Variants in ABCB5 observed in about 807,000 individuals in gnomAD.
ABCB5 encodes the protein ATP-binding cassette sub-family B member 5.
In ABCB5, 155 loss-of-function variants were observed where a neutral mutation model predicts 144.2. That is an observed-to-expected ratio of 1.08 (90% CI 0.94 to 1.23). ABCB5 has a LOEUF of 1.23. ABCB5 is among the 50% of genes most tolerant of loss of function. The probability of loss-of-function intolerance (pLI) is 0.00; values close to 1 mark genes in which losing one functional copy is unlikely to be tolerated. For missense variants in ABCB5, 1,830 were observed against 1,520.8 expected (o/e 1.20, Z -3.38); for synonymous variants, 610 against 528.6 (o/e 1.15, Z -2.11).
chr7:20,668,873 C>T (rs111691604), intron 14 of ABCB5, among the ~76,000 whole-genome samples: 18,756 of 58,932 alleles, frequency 0.32, 1,981 homozygotes, highest in East Asian at 0.45. Context: ...CCCGCCCAGC[C>T]GGCCGCCCCG....
At chr7:20,725,892 G>A (rs181700641) in intron 21 of ABCB5, among the ~76,000 whole-genome samples, 1 of 152,240 alleles carries the variant, frequency 6.6e-6, no homozygotes, top group Non-Finnish European at 1.5e-5. Context: ...CATCAAAATT[G>A]GGAGCAGAAT....
intron 20 of ABCB5, among the ~76,000 whole-genome samples, chr7:20,722,296 T>C (rs779538329): frequency 5.3e-5 from 8 of 152,210 alleles, no homozygotes; most frequent in Non-Finnish European, 8.8e-5. Context: ...TGTGGGTATG[T>C]ACCTATCATT....
At chr7:20,618,770 T>TTC (rs1783744798) in intron 1 of ABCB5, among the ~76,000 whole-genome samples, 1 of 122,500 alleles carries the variant, frequency 8.2e-6, no homozygotes. Flanking sequence ...TTTTCTTTTT[T>TTC]TTTTTTTTTT....
chr7:20,651,686 A>G, intron 13 of ABCB5, 63 bp downstream of exon 13: 1 of 1,519,830 alleles, frequency 6.6e-7, no homozygotes, highest in Non-Finnish European at 9.1e-7. Context: ...ATTCCAATAT[A>G]AGGTAATGAA....
At chr7:20,715,219 T>C (rs1781630592) in intron 20 of ABCB5, among the ~76,000 whole-genome samples, 1 of 152,084 alleles carries the variant, frequency 6.6e-6, no homozygotes, top group African/African-American at 2.4e-5. Context: ...AATTTTTTTG[T>C]ATTTTTAGCA....
chr7:20,690,548 C>T (rs1786183491), intron 16 of ABCB5, among the ~76,000 whole-genome samples: 1 of 152,136 alleles, frequency 6.6e-6, no homozygotes, highest in South Asian at 2.1e-4. Flanking sequence ...TTCAGAAGGG[C>T]ACATGGTCTG....
intron 17 of ABCB5, 132 bp downstream of exon 17, chr7:20,698,682 G>C: frequency 1.4e-6 from 1 of 739,698 alleles, no homozygotes; most frequent in East Asian, 3.1e-5. Flanking sequence ...TGTGGAGTCC[G>C]TGATAGGAAG....
chr7:20,636,831 A>C (rs1010765194), intron 5 of ABCB5, among the ~76,000 whole-genome samples: 2 of 151,374 alleles, frequency 1.3e-5, no homozygotes, highest in Admixed American at 6.6e-5. Context: ...TATAATATTC[A>C]GTACATTATT....
At chr7:20,751,595 G>C (rs1194192324) in intron 26 of ABCB5, among the ~76,000 whole-genome samples, 1 of 152,226 alleles carries the variant, frequency 6.6e-6, no homozygotes, top group Non-Finnish European at 1.5e-5. Flanking sequence ...AGTTTTGTAT[G>C]TTCTTCAGCT....
intron 14 of ABCB5, among the ~76,000 whole-genome samples, chr7:20,676,229 A>T (rs534769735): frequency 2.5e-4 from 38 of 150,104 alleles, no homozygotes; most frequent in Non-Finnish European, 3.6e-4. Flanking sequence ...CATTAATTCC[A>T]ATAATCTGGA....
intron 22 of ABCB5, among the ~76,000 whole-genome samples, 162 bp from the exon 23 acceptor site, chr7:20,728,153 A>C (rs979235793): frequency 2.3e-5 from 1 of 42,752 alleles, no homozygotes; most frequent in Non-Finnish European, 4.4e-5. Context: ...AAGAATTCTC[A>C]GTAGTAAAAA....
intron 12 of ABCB5, among the ~76,000 whole-genome samples, chr7:20,650,685 A>C (rs551028458): frequency 6.6e-6 from 1 of 152,250 alleles, no homozygotes; most frequent in African/African-American, 2.4e-5. Context: ...CTTCTGTTCA[A>C]AGTTTCAACA....
intron 26 of ABCB5, among the ~76,000 whole-genome samples, chr7:20,749,341 C>T (rs1782841787): frequency 1.3e-5 from 2 of 151,108 alleles, no homozygotes. Flanking sequence ...GTTCCTCCCA[C>T]CTCACCCTCC....
Position 20,645,814 on chromosome 7 carries a change from CAGA to C in ABCB5, c.743_745del (p.Glu248del), listed in dbSNP as rs1206054387. ...GCCTATTCCAAAGCTGGGGCTGTGG[CAGA>C]AGAAGTCTTGTCATCAATCCGAACA... On this transcript the variant is annotated inframe_deletion, in exon 8 of 28. Transcript: ENST00000404938. 1 of 1,613,820 alleles carries C rather than the reference CAGA, an allele frequency of 6.2e-7. No individual in the cohort carries two copies. Among genetic ancestry groups the C allele is most frequent in the South Asian group, 1.1e-5 (1 of 91,084 alleles).
intron 23 of ABCB5, among the ~76,000 whole-genome samples, chr7:20,734,013 G>T (rs903692775): frequency 6.6e-6 from 1 of 152,154 alleles, no homozygotes; most frequent in Non-Finnish European, 1.5e-5. Flanking sequence ...ATGGACAAAA[G>T]AGAGATTCTC....
chr7:20,685,880 A>C (rs758694130), intron 16 of ABCB5, 44 bp downstream of exon 16: 19 of 1,544,622 alleles, frequency 1.2e-5, no homozygotes, highest in Non-Finnish European at 2.6e-6. Flanking sequence ...ATGTTTTCTA[A>C]TTTTGATTTA....
intron 24 of ABCB5, among the ~76,000 whole-genome samples, chr7:20,741,443 TAAAAC>T (rs1481213164): frequency 1.3e-5 from 2 of 151,956 alleles, no homozygotes; most frequent in Non-Finnish European, 2.9e-5. Flanking sequence ...ATTTAAAAAA[TAAAAC>T]AAAAAGAAAT....
intron 26 of ABCB5, among the ~76,000 whole-genome samples, chr7:20,750,752 G>A (rs150083902): frequency 8.6e-5 from 13 of 151,438 alleles, no homozygotes; most frequent in Non-Finnish European, 1.8e-4. Flanking sequence ...TCTGTGTAAC[G>A]GCTCAAACCA....
intron 11 of ABCB5, among the ~76,000 whole-genome samples, 196 bp from the exon 12 acceptor site, chr7:20,649,826 T>C (rs1413930607): frequency 4.6e-5 from 7 of 152,242 alleles, no homozygotes; most frequent in Non-Finnish European, 7.3e-5. Context: ...AGAGAGATAA[T>C]GATAGATTCT....
Sources: gnomAD v4.1 joint callset for allele counts (sites outside exome capture counted in the v4.1 genomes callset) on GRCh38, gnomAD v4.1.1 for gene constraint, MANE v1.5 for transcripts, NCBI Gene and HGNC (gene_info 2026-07-23, HGNC 2026-07-21) for gene names.